The following SLC44A1 variants were observed in gnomAD, a reference collection of about 807,000 sequenced individuals.
SLC44A1 encodes the protein choline transporter-like protein 1.
A neutral mutation model predicts 79.3 loss-of-function variants in SLC44A1; 26 were observed. The ratio of observed to expected loss-of-function variants is 0.33; its 90% CI spans 0.24 to 0.46. SLC44A1 has a LOEUF of 0.46. SLC44A1 is among the 20% of genes least tolerant of loss of function. SLC44A1 has a pLI of 1.00. For synonymous variants in SLC44A1, 263 were observed against 286.2 expected, an observed-to-expected ratio of 0.92 and a Z score of 0.82; for missense variants, 688 against 798.1, an observed-to-expected ratio of 0.86 and a Z score of 1.66.
intron 15 of SLC44A1, among the ~76,000 whole-genome samples, chr9:105,416,904 A>G (rs72744242): frequency 0.025 from 3,852 of 152,320 alleles, 69 homozygotes; most frequent in African/African-American, 0.043. Flanking sequence ...CAAAAGGCCT[A>G]AGATTATATC....
At chr9:105,260,887 A>G (rs1284582048) in intron 1 of SLC44A1, among the ~76,000 whole-genome samples, 1 of 152,222 alleles carries the variant, frequency 6.6e-6, no homozygotes, top group Non-Finnish European at 1.5e-5. Context: ...GGTTGGAGAA[A>G]GAATTGAGGA....
At position 105,364,012 on chromosome 9, in the gene SLC44A1, C is replaced by T. The variant is rs1244722884; in HGVS notation, c.1088-543C>T. ...TGGTTTCGAAATGATCTGACCCTAG[C>T]TAGAGCTCCAACTGATGATATAGTT... On this transcript the variant is annotated intron_variant, in intron 9 of 15. Coordinates refer to ENST00000374720, the MANE Select transcript of SLC44A1 (RefSeq NM_080546.5). 2.0e-5 allele frequency among the ~76,000 whole-genome samples: 3 copies of T among 152,158 alleles called. No individual in the cohort carries two copies. In the East Asian group the frequency reaches 5.8e-4, roughly 29 times the overall value.
At chr9:105,352,287 A>G (rs1345245266) in intron 5 of SLC44A1, among the ~76,000 whole-genome samples, 1 of 152,198 alleles carries the variant, frequency 6.6e-6, no homozygotes, top group Non-Finnish European at 1.5e-5. Flanking sequence ...TTGTTTATTT[A>G]TAACCTGAGG....
At chr9:105,265,898 A>T (rs1164104000) in intron 1 of SLC44A1, among the ~76,000 whole-genome samples, 3 of 151,736 alleles carry the variant, frequency 2.0e-5, no homozygotes. Flanking sequence ...TACTTATTTA[A>T]CATCTGTATA....
At chr9:105,278,079 T>A (rs1830252515) in intron 1 of SLC44A1, among the ~76,000 whole-genome samples, 1 of 150,742 alleles carries the variant, frequency 6.6e-6, no homozygotes, top group East Asian at 1.9e-4. Flanking sequence ...TTTTTTTTTT[T>A]AAGACAGGGT....
chr9:105,315,963 A>C (rs1199445074), intron 3 of SLC44A1, among the ~76,000 whole-genome samples: 4 of 152,194 alleles, frequency 2.6e-5, no homozygotes, highest in Non-Finnish European at 5.9e-5. Flanking sequence ...ATGGAAAATC[A>C]GCTGTGTCCT....
intron 2 of SLC44A1, among the ~76,000 whole-genome samples, chr9:105,306,026 A>G (rs1327071455): frequency 6.6e-6 from 1 of 151,992 alleles, no homozygotes; most frequent in Non-Finnish European, 1.5e-5. Context: ...CTGACCCACC[A>G]TCCCTGTATG....
At chr9:105,257,783 G>A (rs370178919) in intron 1 of SLC44A1, among the ~76,000 whole-genome samples, 27 of 152,296 alleles carry the variant, frequency 1.8e-4, no homozygotes, top group African/African-American at 6.0e-4. Flanking sequence ...AAGAACAGTT[G>A]GTCAAAGGCA....
At chr9:105,417,701 C>T (rs566036843) in intron 15 of SLC44A1, among the ~76,000 whole-genome samples, 128 of 152,108 alleles carry the variant, frequency 8.4e-4, no homozygotes, top group African/African-American at 2.9e-3. Context: ...TATCAGTGAG[C>T]CATCAGAAGG....
intron 4 of SLC44A1, among the ~76,000 whole-genome samples, chr9:105,347,155 A>G (rs556249070): frequency 2.5e-4 from 38 of 152,006 alleles, no homozygotes; most frequent in Non-Finnish European, 5.0e-4. Flanking sequence ...GTTCCTTCTC[A>G]TATGGTCACA....
At chr9:105,297,737 C>T (rs748973131) in intron 1 of SLC44A1, among the ~76,000 whole-genome samples, 1 of 152,128 alleles carries the variant, frequency 6.6e-6, no homozygotes, top group Non-Finnish European at 1.5e-5. Context: ...TCAAAGGATA[C>T]ATAGTTCAAC....
intron 15 of SLC44A1, among the ~76,000 whole-genome samples, chr9:105,430,933 A>C (rs1454735901): frequency 6.6e-6 from 1 of 152,182 alleles, no homozygotes; most frequent in Non-Finnish European, 1.5e-5. Context: ...CGACAAGTGT[A>C]AGTTTCCATC....
intron 9 of SLC44A1, among the ~76,000 whole-genome samples, chr9:105,363,911 G>GTCTAAGA (rs1827860534): frequency 6.6e-6 from 1 of 152,198 alleles, no homozygotes; most frequent in Admixed American, 6.5e-5. Flanking sequence ...AGATGAACCA[G>GTCTAAGA]TGAATGCAAT....
chr9:105,404,344 A>C (rs1268464440), intron 15 of SLC44A1, among the ~76,000 whole-genome samples: 1 of 152,176 alleles, frequency 6.6e-6, no homozygotes, highest in African/African-American at 2.4e-5. Flanking sequence ...GGCCAAGTGA[A>C]AGAAAGACAG....
In SLC44A1 at chr9:105,248,779, AT is replaced by A. The variant is rs530238415; in HGVS notation, c.36+3878del. Among the ~76,000 whole-genome samples the A allele has an allele frequency of 2.7e-3, 410 of 152,314 alleles. 4 individuals are homozygous for A. The highest frequency in any genetic ancestry group is 0.016 in the South Asian group (79 of 4,826). On this transcript the variant is annotated intron_variant, in intron 1 of 15. Transcript: ENST00000374720. ...ATTTGTTCTGGTATAACCTGACATA[AT>A]TTCTATCCTTGTAATGTTAAACTTC...
intron 12 of SLC44A1, among the ~76,000 whole-genome samples, chr9:105,374,050 G>T (rs368930775): frequency 1.8e-4 from 27 of 152,276 alleles, no homozygotes; most frequent in African/African-American, 6.3e-4. Context: ...AAGATTTAGG[G>T]TTCTGCTCCC....
intron 1 of SLC44A1, among the ~76,000 whole-genome samples, chr9:105,255,869 T>A (rs1216390726): frequency 6.6e-6 from 1 of 152,210 alleles, no homozygotes; most frequent in African/African-American, 2.4e-5. Context: ...TCAGATACTT[T>A]TAGCAAACTG....
intron 15 of SLC44A1, among the ~76,000 whole-genome samples, chr9:105,387,998 T>C (rs1828675051): frequency 6.6e-6 from 1 of 152,218 alleles, no homozygotes; most frequent in African/African-American, 2.4e-5. Context: ...TTTGCTTTCA[T>C]TTTATGCTGT....
intron 15 of SLC44A1, among the ~76,000 whole-genome samples, chr9:105,430,017 C>T (rs947243579): frequency 5.3e-5 from 8 of 152,156 alleles, no homozygotes; most frequent in African/African-American, 1.9e-4. Context: ...AGTGATCCTC[C>T]TGCCTCAGCC....
Sources: allele counts gnomAD v4.1 joint callset (sites outside exome capture counted in the v4.1 genomes callset), GRCh38; gene constraint gnomAD v4.1.1; transcripts MANE v1.5; gene names NCBI Gene and HGNC (gene_info 2026-07-23, HGNC 2026-07-21).